Variants in EHBP1L1 observed in about 807,000 individuals in gnomAD.
EHBP1L1 encodes EH domain binding protein 1 like 1, also known as EH domain-binding protein 1-like protein 1.
A neutral mutation model predicts 151.1 loss-of-function variants in EHBP1L1; 122 were observed. The ratio of observed to expected loss-of-function variants is 0.81; its 90% confidence interval spans 0.70 to 0.94. The LOEUF (loss-of-function observed/expected upper bound fraction) is 0.94. Among genes scored for constraint, EHBP1L1 ranks in the 40% least tolerant of loss-of-function variants. The pLI is 0.00. For missense variants in EHBP1L1, 1,941 were observed against 1,959.8 expected (o/e 0.99, Z 0.18); for synonymous variants, 878 against 810.1 (o/e 1.08, Z -1.42).
chr11:65,580,539 G>A lies in EHBP1L1; in HGVS notation c.634+60G>A, dbSNP rs1047685457. The A allele has an allele frequency of 5.2e-5, 82 of 1,571,070 alleles. 1 individual carries two copies. Among genetic ancestry groups the A allele is most frequent in the Admixed American group, 4.8e-4 (27 of 56,680 alleles). On this transcript the variant is annotated intron_variant, in intron 6 of 18. Transcript: ENST00000309295. The stretch of plus-strand genomic sequence containing the variant: ...AAGACCTGGGGAGGGAGGGTTACCC[G>A]GGCCACCAGCCACTTGCTGTGCCCG...
At chr11:65,590,349 G>T in intron 15 of EHBP1L1, 139 bp downstream of exon 15, 1 of 1,513,134 alleles carries the variant, frequency 6.6e-7, no homozygotes, top group Non-Finnish European at 8.9e-7. Flanking sequence ...CAGGCATGCT[G>T]AGGCCCTGAA....
chr11:65,585,702 G>A lies in EHBP1L1; in HGVS notation c.3933+111G>A, dbSNP rs190783374. 3.1e-3 allele frequency: 4,520 copies of A among 1,474,782 alleles called. 14 individuals carry two copies. The highest frequency in any genetic ancestry group is 3.6e-3 in the Non-Finnish European group (3,961 of 1,109,414). 91.4% of individuals were successfully genotyped at this position (1,474,782 alleles called of 1,614,324 possible). A position where few individuals can be genotyped will look rare whatever the true frequency, so the allele number is the denominator to read the frequency against. Reference sequence around the variant, plus strand: ...CCCCAAGGACAGAGCTGGCGCGAGGGTGACGGTTTCAGAGTGGCGGGGCTC... The same window carrying A: ...CCCCAAGGACAGAGCTGGCGCGAGGATGACGGTTTCAGAGTGGCGGGGCTC... On this transcript the variant is annotated intron_variant, in intron 12 of 18. Coordinates refer to ENST00000309295, the MANE Select transcript of EHBP1L1 (RefSeq NM_001099409.3). This position sits in a 1 kb window ranked among gnomAD's most constrained non-coding sequence, Gnocchi z 4.0.
intron 1 of EHBP1L1, 51 bp from the exon 2 acceptor site, chr11:65,579,027 G>A (rs1017620523): frequency 6.5e-7 from 1 of 1,533,132 alleles, no homozygotes; most frequent in African/African-American, 1.4e-5. Context: ...AGGCAGGTGA[G>A]CCTGACCAAG....
At chr11:65,589,709 TG>T (rs1270666773) in intron 12 of EHBP1L1, 41 bp from the exon 13 acceptor site, 1 of 1,491,204 alleles carries the variant, frequency 6.7e-7, no homozygotes. Context: ...CCCAGGCTGG[TG>T]GGAAACCCCT....
Position 65,576,310 on chromosome 11 carries a change from C to T in EHBP1L1, c.8C>T (p.Ser3Leu), listed in dbSNP as rs1279762999. 1.3e-6 allele frequency: 2 copies of T among 1,592,488 alleles called. No homozygotes were observed. Among genetic ancestry groups the T allele is most frequent in the Admixed American group, 1.8e-5 (1 of 56,862 alleles). The change falls in exon 1 of 19, where the codon TCG becomes TTG. Residue 3 changes from serine (S) to leucine (L), a missense_variant. Ser to Leu is a moderately radical substitution (Grantham distance 145, BLOSUM62 -2). Transcript: ENST00000309295. The stretch of plus-strand genomic sequence containing the variant: ...GGCGGGGTGGCGGGGGCCATGACCT[C>T]GGTGTGGAAGCGCCTGCAGCGCGTG... Reference protein sequence around the residue: MTSVWKRLQRVGK... With the variant: MTLVWKRLQRVGK...
chr11:65,583,278 CAG>C lies in EHBP1L1; in HGVS notation c.2608_2609del (p.Glu870AsnfsTer7), dbSNP rs762314979. On this transcript the variant is annotated frameshift_variant, in exon 9 of 19. Transcript: ENST00000309295. LOFTEE classifies it high-confidence loss of function. Reference sequence around the variant, plus strand: ...GCCCGAGTACTGATGACCCGTAAGACAGAAATTATAGTTCCAGAGGCTGAGAA... The same window carrying C: ...GCCCGAGTACTGATGACCCGTAAGACAAATTATAGTTCCAGAGGCTGAGAA... The C allele has an allele frequency of 5.6e-6, 9 of 1,613,458 alleles. No individual in the cohort carries two copies. The highest frequency in any genetic ancestry group is 7.6e-6 in the Non-Finnish European group (9 of 1,179,778).
intron 12 of EHBP1L1, among the ~76,000 whole-genome samples, chr11:65,588,419 A>G (rs1858087799): frequency 6.6e-6 from 1 of 152,066 alleles, no homozygotes; most frequent in African/African-American, 2.4e-5. Flanking sequence ...TGAAACAGTT[A>G]CACCGGGGGT....
Position 65,579,090 on chromosome 11 carries a change from G to T in EHBP1L1, c.117G>T (p.Lys39Asn). 1 of 1,590,970 alleles carries T rather than the reference G, an allele frequency of 6.3e-7. No homozygotes were observed. Among genetic ancestry groups the T allele is most frequent in the Admixed American group, 1.7e-5 (1 of 57,260 alleles). ...LECTKKWQPD[K>N]LVVVWTRRNR... ...CCCCCTCCCCCAGGCAGCCAGATAA[G>T]CTGGTGGTGGTATGGACCCGTCGGA... The change falls in exon 2 of 19, where the codon AAG becomes AAT. Residue 39 changes from lysine (K) to asparagine (N), a missense_variant. Transcript: ENST00000309295.
chr11:65,581,114 C>G lies in EHBP1L1; in HGVS notation c.691C>G (p.Pro231Ala). The G allele has an allele frequency of 6.2e-7, 1 of 1,613,002 alleles. No individual in the cohort carries two copies. The change falls in exon 7 of 19, where the codon CCC becomes GCC. Residue 231 changes from proline (P) to alanine (A), a missense_variant. Pro to Ala is a conservative substitution (Grantham distance 27). Coordinates refer to ENST00000309295, the MANE Select transcript of EHBP1L1 (RefSeq NM_001099409.3). ...GGAGGAGGAGGAAGGCCAAGGACGA[C>G]CCCAGCAGGCAGGTGAGACCCAGGC... ...CEEEEEGQGR[P>A]QQAVASPSNA... is the part of the protein sequence containing the mutation.
At chr11:65,588,878 C>G (rs563921377) in intron 12 of EHBP1L1, among the ~76,000 whole-genome samples, 1 of 152,280 alleles carries the variant, frequency 6.6e-6, no homozygotes, top group African/African-American at 2.4e-5. Context: ...AGCAGGGCAC[C>G]CCCTTTTGGC....
chr11:65,582,011 C>A lies in EHBP1L1; in HGVS notation c.1339C>A (p.Pro447Thr), dbSNP rs747575909. ...GGGACCAGAGGCGACAGGGGTGATG[C>A]CTGAGGCAAGATGCAGGGGGACCCC... Reference protein sequence around the residue: ...TKGPEATGVMPEARCRGTPEA... With the variant: ...TKGPEATGVMTEARCRGTPEA... Residue 447 changes from proline to threonine, a missense_variant, in exon 9 of 19, where the codon CCT (proline) becomes ACT (threonine). Physicochemically the swap from Pro to Thr is conservative, Grantham distance 38 (BLOSUM62 -1). Transcript: ENST00000309295. The A allele has an allele frequency of 6.2e-7, 1 of 1,613,674 alleles. No homozygotes were observed. The highest frequency in any genetic ancestry group is 8.5e-7 in the Non-Finnish European group (1 of 1,179,822).
rs1450327302 is a variant in EHBP1L1, at chr11:65,590,503, G to T, written c.4194G>T (p.Lys1398Asn). 3 of 1,613,326 alleles carry T rather than the reference G, an allele frequency of 1.9e-6. No individual in the cohort carries two copies. In the East Asian group the frequency reaches 6.7e-5, roughly 36 times the overall value. Residue 1398 changes from lysine (K) to asparagine (N), a missense_variant, in exon 16 of 19, where the codon AAG (lysine) becomes AAT (asparagine). Coordinates refer to ENST00000309295, the MANE Select transcript of EHBP1L1 (RefSeq NM_001099409.3). ...LRSLMESGANKLQEEVLIQEW... is the reference protein window; with the variant it reads ...LRSLMESGANNLQEEVLIQEW... ...CCCTGTCCAATGCAGGTGCCAACAA[G>T]CTGCAGGAGGAGGTGCTGATCCAGG... is the stretch of plus-strand genomic sequence containing the variant.
In EHBP1L1 at chr11:65,582,238, C is replaced by T. The variant is rs1036864681; in HGVS notation, c.1566C>T (p.Gly522=). The change falls in exon 9 of 19, where the codon GGC becomes GGT. Residue 522 remains glycine, a synonymous_variant. Coordinates refer to ENST00000309295, the MANE Select transcript of EHBP1L1 (RefSeq NM_001099409.3). ...RGGAPGIEGT[G]LEQGPSVGAI... Reference sequence around the variant, plus strand: ...GAGCACCTGGTATTGAGGGGACAGGCCTGGAGCAGGGCCCTTCTGTTGGAG... The same window carrying T: ...GAGCACCTGGTATTGAGGGGACAGGTCTGGAGCAGGGCCCTTCTGTTGGAG... 1 of 1,528,126 alleles carries T rather than the reference C, an allele frequency of 6.5e-7. No homozygotes were observed. Among genetic ancestry groups the T allele is most frequent in the African/African-American group, 1.4e-5 (1 of 71,862 alleles). 94.7% of individuals were successfully genotyped at this position (1,528,126 alleles called of 1,614,324 possible). A position where few individuals can be genotyped will look rare whatever the true frequency, so the allele number is the denominator to read the frequency against.
At chr11:65,590,904 G>A (rs975045193) in intron 16 of EHBP1L1, among the ~76,000 whole-genome samples, 2 of 152,104 alleles carry the variant, frequency 1.3e-5, no homozygotes, top group African/African-American at 2.4e-5. Context: ...GGTGGCACGC[G>A]CCTGTAATCC....
chr11:65,581,668 A>G lies in EHBP1L1; in HGVS notation c.996A>G (p.Pro332=). ...DEVPKASGAP[P]AGLGSARETQ... is the part of the protein sequence containing the mutation. ...TCCCCAAAGCCTCAGGGGCTCCTCC[A>G]GCAGGATTGGGCTCTGCTAGGGAGA... The change falls in exon 9 of 19, where the codon CCA becomes CCG. Residue 332 remains proline, a synonymous_variant. Transcript: ENST00000309295. The G allele has an allele frequency of 6.4e-7, 1 of 1,566,128 alleles. No homozygotes were observed. Among genetic ancestry groups the G allele is most frequent in the South Asian group, 1.2e-5 (1 of 85,524 alleles).
At chr11:65,591,900 G>A (rs1228991106) in intron 17 of EHBP1L1, 27 bp downstream of exon 17, 3 of 1,606,058 alleles carry the variant, frequency 1.9e-6, no homozygotes, top group African/African-American at 2.7e-5. Context: ...GGGGCCGGGA[G>A]GCAAGACAGA....
At chr11:65,589,891 G>T (rs1365837028) in intron 13 of EHBP1L1, 45 bp from the exon 14 acceptor site, 2 of 1,532,432 alleles carry the variant, frequency 1.3e-6, no homozygotes, top group Admixed American at 4.2e-5. Context: ...CTTCCTGGGG[G>T]TGGGTGGTGG....
Position 65,581,389 on chromosome 11 carries a change from A to C in EHBP1L1, c.866+16A>C, listed in dbSNP as rs1857600658. 1.3e-6 allele frequency: 2 copies of C among 1,523,800 alleles called. No individual in the cohort carries two copies. The highest frequency in any genetic ancestry group is 2.2e-5 in the Admixed American group (1 of 45,230). 94.4% of individuals were successfully genotyped at this position (1,523,800 alleles called of 1,614,324 possible). A position where few individuals can be genotyped will look rare whatever the true frequency, so the allele number is the denominator to read the frequency against. On this transcript the variant is annotated intron_variant, in intron 8 of 18. Coordinates refer to ENST00000309295, the MANE Select transcript of EHBP1L1 (RefSeq NM_001099409.3). ...CAGAGATGAGGTGAGCTTTGGAACC[A>C]GCCTCACCCCCCATTGCCCCCTGAT... is the stretch of plus-strand genomic sequence containing the variant.
rs1857397182 is a variant in EHBP1L1, at chr11:65,577,697, C to T, written c.104+1291C>T. Among the ~76,000 whole-genome samples, 4 of 152,316 alleles carry T rather than the reference C, an allele frequency of 2.6e-5. No individual in the cohort carries two copies. In the Middle Eastern group the frequency reaches 0.014, roughly 518 times the overall value. ...TCCCTAGGCACCCCCTGTCCGCTTCCCCTTTCTGGGAAGGCCCCTTAGTTA... is the reference window on the plus strand; with the variant it reads ...TCCCTAGGCACCCCCTGTCCGCTTCTCCTTTCTGGGAAGGCCCCTTAGTTA... On this transcript the variant is annotated intron_variant, in intron 1 of 18. Transcript: ENST00000309295.
Sources: allele counts gnomAD v4.1 joint callset (sites outside exome capture counted in the v4.1 genomes callset), GRCh38; gene constraint gnomAD v4.1.1; non-coding constraint Gnocchi (gnomAD v3.1); transcripts MANE v1.5; gene names NCBI Gene and HGNC (gene_info 2026-07-23, HGNC 2026-07-21).